STK32B: variants seen among roughly 807,000 people sequenced by gnomAD.
STK32B encodes serine/threonine kinase 32B, also known as serine/threonine-protein kinase 32B.
Under a neutral mutation model 52.6 loss-of-function variants are expected in STK32B, and 43 were observed. That is an observed-to-expected ratio of 0.82 (90% CI 0.64 to 1.05). The LOEUF (loss-of-function observed/expected upper bound fraction) is 1.05. STK32B is among the 50% of genes least tolerant of loss of function. The pLI is 0.00. For missense variants in STK32B, 621 were observed against 534.6 expected (o/e 1.16, Z -1.59); for synonymous variants, 238 against 204.3 (o/e 1.17, Z -1.41).
intron 8 of STK32B, among the ~76,000 whole-genome samples, chr4:5,458,427 A>G (rs73212730): frequency 6.6e-6 from 1 of 152,148 alleles, no homozygotes; most frequent in Non-Finnish European, 1.5e-5. Flanking sequence ...GTGAGCAGGG[A>G]AAGTGTCACT....
chr4:5,184,543 C>T (rs1720593359), intron 3 of STK32B, among the ~76,000 whole-genome samples: 1 of 151,922 alleles, frequency 6.6e-6, no homozygotes, highest in African/African-American at 2.4e-5. Context: ...CAAAAGTTAG[C>T]TGGGCGTGGT....
intron 1 of STK32B, among the ~76,000 whole-genome samples, chr4:5,136,818 G>A (rs1167700108): frequency 6.6e-6 from 1 of 152,158 alleles, no homozygotes; most frequent in Admixed American, 6.5e-5. Flanking sequence ...TATTATGTCA[G>A]TGTCAGTGTA....
Position 5,317,291 on chromosome 4 carries a change from A to C in STK32B, c.261-13929A>C, listed in dbSNP as rs180900164. ...ATATAATATATAACATATAACATAT[A>C]TATAATATATAATATATAACATATG... is the stretch of plus-strand genomic sequence containing the variant. On this transcript the variant is annotated intron_variant, in intron 3 of 11. Transcript: ENST00000282908. Among the ~76,000 whole-genome samples the C allele has an allele frequency of 3.1e-3, 137 of 44,414 alleles. 40 individuals are homozygous for C. The African/African-American group carries it at 0.031, about 10-fold the overall frequency. 29.1% of individuals were successfully genotyped at this position (44,414 alleles called of 152,430 possible).
intron 3 of STK32B, among the ~76,000 whole-genome samples, chr4:5,260,714 T>G (rs1323679079): frequency 6.6e-6 from 1 of 152,086 alleles, no homozygotes; most frequent in African/African-American, 2.4e-5. Flanking sequence ...TCTGGAGAAG[T>G]AGCCTGTGTT....
At chr4:5,039,639 CATTT>C in the STK32B span, among the ~76,000 whole-genome samples, 8 of 152,172 alleles carry the variant, frequency 5.3e-5, no homozygotes, top group Non-Finnish European at 8.8e-5. Context: ...TTAACATAGT[CATTT>C]ATTATCATTA....
In STK32B at chr4:5,159,561, G is replaced by GT. The variant is rs1560185702; in HGVS notation, c.109-8738_109-8737insT. ...TATATGTATATATATGAATATATAT[G>GT]AATGAATATATATGAATATATATAT... On this transcript the variant is annotated intron_variant, in intron 2 of 11. Transcript: ENST00000282908. 2.0e-4 allele frequency among the ~76,000 whole-genome samples: 6 copies of GT among 29,886 alleles called. No homozygotes were observed. In the East Asian group the frequency reaches 2.7e-3, roughly 14 times the overall value. 19.6% of individuals were successfully genotyped at this position (29,886 alleles called of 152,430 possible).
At chr4:5,468,276 C>A (rs1717596900) in intron 11 of STK32B, among the ~76,000 whole-genome samples, 1 of 152,206 alleles carries the variant, frequency 6.6e-6, no homozygotes, top group Non-Finnish European at 1.5e-5. Flanking sequence ...TGCTGTGTGG[C>A]CTGAGCCAGT....
chr4:5,333,808 G>A (rs2108958386), intron 4 of STK32B, among the ~76,000 whole-genome samples: 1 of 152,240 alleles, frequency 6.6e-6, no homozygotes, highest in Non-Finnish European at 1.5e-5. Context: ...TTATTTCTGA[G>A]GGCTCTGTTG....
chr4:5,479,527 A>AG (rs1457315465), intron 11 of STK32B, among the ~76,000 whole-genome samples: 1 of 152,170 alleles, frequency 6.6e-6, no homozygotes, highest in Non-Finnish European at 1.5e-5. Flanking sequence ...GTGGAGGTGG[A>AG]GTGGAGATGG....
chr4:5,201,415 G>C (rs572541140), intron 3 of STK32B, among the ~76,000 whole-genome samples: 37 of 152,298 alleles, frequency 2.4e-4, no homozygotes, highest in East Asian at 1.2e-3. Flanking sequence ...GAAGCTTCCA[G>C]CTCAGCGTCT....
chr4:5,301,713 C>T (rs1353977128), intron 3 of STK32B, among the ~76,000 whole-genome samples: 1 of 125,842 alleles, frequency 7.9e-6, no homozygotes, highest in Admixed American at 7.7e-5. Flanking sequence ...ATTTTTGTCA[C>T]TTTTCCAAAG....
In STK32B at chr4:5,396,011, G is replaced by A. The variant is rs898801476; in HGVS notation, c.435-2196G>A. On this transcript the variant is annotated intron_variant, in intron 4 of 11. Coordinates refer to ENST00000282908, the MANE Select transcript of STK32B (RefSeq NM_018401.3). This position sits in a 1 kb window ranked among gnomAD's most constrained non-coding sequence, Gnocchi z 4.7. ...TCCAAGGCCATGCTGTCATTAATGG[G>A]GCCCTAGCTGCCCTTTGAGGTTTGC... 6.6e-6 allele frequency among the ~76,000 whole-genome samples: 1 copy of A among 152,230 alleles called. No individual in the cohort carries two copies. Among genetic ancestry groups the A allele is most frequent in the Admixed American group, 6.5e-5 (1 of 15,288 alleles).
chr4:5,351,399 A>G (rs1733814872), intron 4 of STK32B, among the ~76,000 whole-genome samples: 2 of 152,142 alleles, frequency 1.3e-5, no homozygotes. Context: ...GAAAGTCAAA[A>G]TACTTCTTAA....
intron 8 of STK32B, chr4:5,458,867 A>G (rs1057172072): frequency 1.3e-5 from 2 of 152,156 alleles, no homozygotes; most frequent in Non-Finnish European, 1.5e-5. Context: ...TCGCAGCCAG[A>G]TCACTCTCGC....
rs1182218684 is a variant in STK32B, at chr4:5,245,380, A to C, written c.260+76930A>C. Among the ~76,000 whole-genome samples the C allele has an allele frequency of 4.6e-5, 7 of 152,226 alleles. No homozygotes were observed. The East Asian group carries it at 1.4e-3, about 29-fold the overall frequency. On this transcript the variant is annotated intron_variant, in intron 3 of 11. Coordinates refer to ENST00000282908, the MANE Select transcript of STK32B (RefSeq NM_018401.3). ...TCTTGGTTGGTTTAAAGTCTGTTTT[A>C]TCAGAGACTAGGATTGCAACCCCTG...
At chr4:5,242,397 A>G (rs368309102) in intron 3 of STK32B, among the ~76,000 whole-genome samples, 2 of 152,102 alleles carry the variant, frequency 1.3e-5, no homozygotes, top group East Asian at 1.9e-4. Flanking sequence ...GTCTGTTCAT[A>G]TCCTTTGCCC....
intron 4 of STK32B, among the ~76,000 whole-genome samples, chr4:5,385,137 G>T (rs1475858860): frequency 6.6e-6 from 1 of 152,136 alleles, no homozygotes; most frequent in Non-Finnish European, 1.5e-5. Flanking sequence ...GGGTAGGAAG[G>T]AGCAAGGGTG....
At chr4:5,317,077 AT>A (rs1731010494) in intron 3 of STK32B, among the ~76,000 whole-genome samples, 1 of 31,544 alleles carries the variant, frequency 3.2e-5, no homozygotes, top group African/African-American at 2.6e-4. Context: ...TATATTATAT[AT>A]TATATATATA....
chr4:5,367,522 T>A (rs1734953413), intron 4 of STK32B, among the ~76,000 whole-genome samples: 1 of 152,026 alleles, frequency 6.6e-6, no homozygotes, highest in Middle Eastern at 3.2e-3. Context: ...AGGACGGGTA[T>A]GTGAATGGAG....
Sources: allele counts gnomAD v4.1 joint callset (sites outside exome capture counted in the v4.1 genomes callset), GRCh38; gene constraint gnomAD v4.1.1; non-coding constraint Gnocchi (gnomAD v3.1); transcripts MANE v1.5; gene names NCBI Gene and HGNC (gene_info 2026-07-23, HGNC 2026-07-21).